XKR4: variants seen among roughly 807,000 people sequenced by gnomAD.
XKR4 encodes XK-related protein 4.
Under a neutral mutation model 53.9 loss-of-function variants are expected in XKR4, and 12 were observed. The ratio of observed to expected loss-of-function variants is 0.22; its 90% CI spans 0.14 to 0.36. XKR4 has a LOEUF of 0.36. Ranked by LOEUF, XKR4 falls within the 10% of genes least tolerant of loss-of-function variation. The pLI is 1.00. For missense variants in XKR4, 799 were observed against 859.5 expected (o/e 0.93, Z 0.88); for synonymous variants, 354 against 362.4 (o/e 0.98, Z 0.26).
chr8:55,180,844 A>G (rs1043237918), intron 1 of XKR4, among the ~76,000 whole-genome samples: 2 of 152,096 alleles, frequency 1.3e-5, no homozygotes, highest in African/African-American at 4.8e-5. Flanking sequence ...CAAAATAGGT[A>G]TTTTTTAAAA....
At position 55,490,261 on chromosome 8, in the gene XKR4, T is replaced by A. The variant is rs140260436; in HGVS notation, c.1007-33020T>A. 5.9e-3 allele frequency among the ~76,000 whole-genome samples: 903 copies of A among 152,314 alleles called. 9 individuals are homozygous for A. The highest frequency in any genetic ancestry group is 0.02 in the African/African-American group (842 of 41,574). On this transcript the variant is annotated intron_variant, in intron 2 of 2. Transcript: ENST00000327381. ...GCAGCCATAAAAAAGAATAAAATGATGTAAAATGATGTTCTTTGCAGCGAC... is the reference window on the plus strand; with the variant it reads ...GCAGCCATAAAAAAGAATAAAATGAAGTAAAATGATGTTCTTTGCAGCGAC...
chr8:55,288,453 G>T (rs1205675264), intron 1 of XKR4, among the ~76,000 whole-genome samples: 1 of 152,156 alleles, frequency 6.6e-6, no homozygotes, highest in Admixed American at 6.5e-5. Context: ...AATGGCTCCT[G>T]AAAGTACTTT....
At chr8:55,360,375 C>T (rs1803883020) in intron 2 of XKR4, among the ~76,000 whole-genome samples, 1 of 152,200 alleles carries the variant, frequency 6.6e-6, no homozygotes, top group African/African-American at 2.4e-5. Flanking sequence ...CACTTACAAA[C>T]AAACCAGCTG....
chr8:55,313,192 C>CA (rs969179711), intron 1 of XKR4, among the ~76,000 whole-genome samples: 15 of 151,118 alleles, frequency 9.9e-5, no homozygotes, highest in East Asian at 7.8e-4. Flanking sequence ...ATTCACTCTT[C>CA]AAAAAAAAAT....
intron 1 of XKR4, among the ~76,000 whole-genome samples, chr8:55,232,631 G>T (rs577879682): frequency 6.6e-6 from 1 of 152,138 alleles, no homozygotes; most frequent in South Asian, 2.1e-4. Context: ...TCCCACAGTG[G>T]CACTTTGTTA....
At chr8:55,301,713 T>C (rs1307943388) in intron 1 of XKR4, among the ~76,000 whole-genome samples, 2 of 152,196 alleles carry the variant, frequency 1.3e-5, no homozygotes, top group Admixed American at 6.5e-5. Flanking sequence ...TGGTATCTCA[T>C]TGTGGTTTTG....
intron 2 of XKR4, among the ~76,000 whole-genome samples, chr8:55,462,452 C>T (rs1291173189): frequency 3.3e-5 from 5 of 152,106 alleles, no homozygotes; most frequent in Admixed American, 3.3e-4. Context: ...CCAGGCCTGC[C>T]CTAAAAGAGC....
chr8:55,206,238 A>T (rs1489477869), intron 1 of XKR4, among the ~76,000 whole-genome samples: 1 of 152,086 alleles, frequency 6.6e-6, no homozygotes, highest in Non-Finnish European at 1.5e-5. Flanking sequence ...GCCAGCTTTT[A>T]TTCCCTTATT....
rs1303876107 is a variant in XKR4, at chr8:55,529,904, C to T, written c.*5677C>T. The T allele has an allele frequency of 6.6e-6, 1 of 152,160 alleles. No individual in the cohort carries two copies. The highest frequency in any genetic ancestry group is 1.9e-4 in the East Asian group (1 of 5,192). 9.4% of individuals were successfully genotyped at this position (152,160 alleles called of 1,614,324 possible). A position where few individuals can be genotyped will look rare whatever the true frequency, so the allele number is the denominator to read the frequency against. ...TACCTTAACTCTAACTCATAGTAGG[C>T]AGATAAATGCTATTCTTCCATTCCA... On this transcript the variant is annotated 3_prime_UTR_variant, in exon 3 of 3. Transcript: ENST00000327381.
chr8:55,189,735 C>CTGTATA (rs1358856261), intron 1 of XKR4, among the ~76,000 whole-genome samples: 1 of 152,188 alleles, frequency 6.6e-6, no homozygotes. Flanking sequence ...CTGCACATTA[C>CTGTATA]TGTATTTGTA....
intron 1 of XKR4, among the ~76,000 whole-genome samples, chr8:55,138,461 G>A (rs1816660248): frequency 6.6e-6 from 1 of 152,066 alleles, no homozygotes; most frequent in Non-Finnish European, 1.5e-5. Flanking sequence ...AATCATCTCA[G>A]AAAAAAATAG....
At chr8:55,279,059 C>T (rs939480332) in intron 1 of XKR4, among the ~76,000 whole-genome samples, 2 of 152,172 alleles carry the variant, frequency 1.3e-5, no homozygotes, top group African/African-American at 2.4e-5. Flanking sequence ...TTTTCTCTTA[C>T]CTAAGTGATT....
intron 1 of XKR4, among the ~76,000 whole-genome samples, chr8:55,277,576 T>C (rs991439606): frequency 6.6e-6 from 1 of 152,222 alleles, no homozygotes; most frequent in African/African-American, 2.4e-5. Context: ...TAATTTTGTG[T>C]ATGAAATAAA....
At chr8:55,282,911 A>G (rs974288412) in intron 1 of XKR4, among the ~76,000 whole-genome samples, 3 of 152,206 alleles carry the variant, frequency 2.0e-5, no homozygotes, top group African/African-American at 4.8e-5. Context: ...CTATGAATGT[A>G]TGATATATAA....
intron 1 of XKR4, among the ~76,000 whole-genome samples, chr8:55,268,859 A>G (rs1237972968): frequency 6.6e-6 from 1 of 152,182 alleles, no homozygotes; most frequent in Non-Finnish European, 1.5e-5. Flanking sequence ...ATGAATTTCC[A>G]GGTAACTGAA....
intron 2 of XKR4, among the ~76,000 whole-genome samples, chr8:55,391,102 T>A (rs1344588142): frequency 6.6e-6 from 1 of 152,180 alleles, no homozygotes; most frequent in Non-Finnish European, 1.5e-5. Context: ...TCCTGTAACA[T>A]TGACAGAGGT....
At chr8:55,187,508 G>C (rs914579458) in intron 1 of XKR4, among the ~76,000 whole-genome samples, 22 of 152,188 alleles carry the variant, frequency 1.4e-4, no homozygotes, top group African/African-American at 5.3e-4. Flanking sequence ...TGACAGGTGA[G>C]TCAAGTCGAC....
chr8:55,389,751 T>C (rs1258574606), intron 2 of XKR4, among the ~76,000 whole-genome samples: 1 of 152,170 alleles, frequency 6.6e-6, no homozygotes, highest in African/African-American at 2.4e-5. Flanking sequence ...TTATTAAACA[T>C]CTGTGGAAAT....
intron 2 of XKR4, among the ~76,000 whole-genome samples, chr8:55,443,453 T>A (rs1230247560): frequency 7.3e-6 from 1 of 136,262 alleles, no homozygotes; most frequent in Non-Finnish European, 1.5e-5. Context: ...GTTTAAAAAA[T>A]CCTTAAGAGC....
Sources: allele counts gnomAD v4.1 joint callset (sites outside exome capture counted in the v4.1 genomes callset), GRCh38; gene constraint gnomAD v4.1.1; transcripts MANE v1.5; gene names NCBI Gene and HGNC (gene_info 2026-07-23, HGNC 2026-07-21).